KDM4C: variants seen among roughly 807,000 people sequenced by gnomAD.
KDM4C encodes the protein lysine-specific demethylase 4C.
A neutral mutation model predicts 129.3 loss-of-function variants in KDM4C; 81 were observed. The observed-to-expected ratio is 0.63, with a 90% CI of 0.52 to 0.75. KDM4C has a LOEUF of 0.75. KDM4C is among the 30% of genes least tolerant of loss of function. KDM4C has a pLI of 0.00. For missense variants in KDM4C, 1,457 were observed against 1,304.0 expected, an observed-to-expected ratio of 1.12 and a Z score of -1.81; for synonymous variants, 573 against 456.1, an observed-to-expected ratio of 1.26 and a Z score of -3.26.
chr9:6,912,632 A>G (rs1819542527), intron 8 of KDM4C, among the ~76,000 whole-genome samples: 1 of 152,202 alleles, frequency 6.6e-6, no homozygotes, highest in Admixed American at 6.5e-5. Context: ...TGGGAGAGAG[A>G]GAATTTATAT....
intron 1 of KDM4C, among the ~76,000 whole-genome samples, chr9:6,785,180 C>G (rs888273990): frequency 2.6e-5 from 4 of 152,184 alleles, no homozygotes; most frequent in Non-Finnish European, 4.4e-5. Flanking sequence ...ACCGTGTTTT[C>G]TCTGAAGGAT....
upstream of KDM4C, among the ~76,000 whole-genome samples, chr9:6,753,877 T>G (rs1332023150): frequency 7.1e-6 from 1 of 140,428 alleles, no homozygotes; most frequent in South Asian, 2.4e-4. Flanking sequence ...TCTTTTTTTT[T>G]TTTTTTTTTT....
chr9:6,865,929 AT>A (rs1376858021), intron 5 of KDM4C, among the ~76,000 whole-genome samples: 2 of 151,388 alleles, frequency 1.3e-5, no homozygotes, highest in Admixed American at 6.6e-5. Flanking sequence ...AATTTTTTGT[AT>A]TTTTAGTAGA....
rs187847761 is a variant in KDM4C at position 6,832,217 on chromosome 9, G to A, written c.436-17290G>A. ...TAGCCGGGCGTGGTGGTGGGAGCCT[G>A]TAGTCCCAGCTACTCGGGAGGCTGA... On this transcript the variant is annotated intron_variant, in intron 4 of 21. Transcript: ENST00000381309. 8.4e-3 allele frequency among the ~76,000 whole-genome samples: 1,266 copies of A among 151,034 alleles called. 10 individuals are homozygous for A. Among genetic ancestry groups the A allele is most frequent in the South Asian group, 0.013 (60 of 4,750 alleles).
intron 18 of KDM4C, among the ~76,000 whole-genome samples, chr9:7,107,831 A>G (rs1837870387): frequency 6.7e-6 from 1 of 150,124 alleles, no homozygotes; most frequent in Admixed American, 6.6e-5. Flanking sequence ...TAGCTAGGTC[A>G]TAAGGACAGA....
chr9:6,957,985 C>T (rs1003899481), intron 8 of KDM4C, among the ~76,000 whole-genome samples: 6 of 151,828 alleles, frequency 4.0e-5, no homozygotes, highest in Non-Finnish European at 8.8e-5. Flanking sequence ...GGTGGTGAGA[C>T]GGTGTGACCT....
At chr9:6,885,381 A>G (rs1337211318) in intron 6 of KDM4C, among the ~76,000 whole-genome samples, 1 of 152,196 alleles carries the variant, frequency 6.6e-6, no homozygotes, top group African/African-American at 2.4e-5. Flanking sequence ...GTGATCCTTG[A>G]GAGAGCTTAT....
intron 12 of KDM4C, among the ~76,000 whole-genome samples, chr9:6,994,571 T>C (rs903265947): frequency 1.3e-5 from 2 of 152,186 alleles, no homozygotes; most frequent in Non-Finnish European, 2.9e-5. Flanking sequence ...CTTTTGGTAG[T>C]GAACATTTCC....
chr9:7,166,281 A>C (rs1408980120), intron 20 of KDM4C, among the ~76,000 whole-genome samples: 1 of 152,236 alleles, frequency 6.6e-6, no homozygotes, highest in Non-Finnish European at 1.5e-5. Flanking sequence ...AAGGAGCAAG[A>C]GCTTAAATGG....
At chr9:7,129,125 G>A (rs1413338084) in intron 19 of KDM4C, among the ~76,000 whole-genome samples, 1 of 152,080 alleles carries the variant, frequency 6.6e-6, no homozygotes, top group Non-Finnish European at 1.5e-5. Flanking sequence ...CTCATTCTGG[G>A]TCTCTGTTGA....
chr9:6,825,012 G>C (rs1288946329), intron 4 of KDM4C, among the ~76,000 whole-genome samples: 1 of 152,016 alleles, frequency 6.6e-6, no homozygotes, highest in South Asian at 2.1e-4. Context: ...CGGGTGTGGT[G>C]ACATGCACCT....
chr9:7,017,849 G>A (rs984541086), intron 15 of KDM4C, among the ~76,000 whole-genome samples: 7 of 152,178 alleles, frequency 4.6e-5, no homozygotes, highest in African/African-American at 9.7e-5. Flanking sequence ...TGTCATGACT[G>A]TGTATATTTA....
At chr9:7,001,377 T>TA (rs200390289) in intron 12 of KDM4C, among the ~76,000 whole-genome samples, 2,036 of 152,296 alleles carry the variant, frequency 0.013, 22 homozygotes, top group East Asian at 0.029. Context: ...TCTTGAGGAG[T>TA]AAACTTGATA....
At chr9:6,883,865 A>G (rs1844850259) in intron 6 of KDM4C, among the ~76,000 whole-genome samples, 1 of 151,978 alleles carries the variant, frequency 6.6e-6, no homozygotes, top group Non-Finnish European at 1.5e-5. Flanking sequence ...TTATCCATGG[A>G]TATTTCAAGG....
At chr9:6,846,347 A>G (rs1357178171) in intron 4 of KDM4C, among the ~76,000 whole-genome samples, 1 of 152,230 alleles carries the variant, frequency 6.6e-6, no homozygotes, top group Non-Finnish European at 1.5e-5. Context: ...AATAAATGTA[A>G]GATACAAGTG....
At chr9:6,743,688 A>G (rs550542801) in intron 1 of KDM4C, among the ~76,000 whole-genome samples, 6 of 152,080 alleles carry the variant, frequency 3.9e-5, no homozygotes, top group African/African-American at 1.4e-4. Context: ...TCTGTATTTT[A>G]GTAGAGACAG....
upstream of KDM4C, among the ~76,000 whole-genome samples, chr9:6,754,221 T>A (rs1483381512): frequency 6.6e-6 from 1 of 151,804 alleles, no homozygotes; most frequent in Admixed American, 6.6e-5. Context: ...CTTTTTCTTT[T>A]TTTTTTCTGA....
intron 4 of KDM4C, chr9:6,815,127 A>G (rs1831849131): frequency 6.5e-6 from 1 of 153,442 alleles, no homozygotes; most frequent in Non-Finnish European, 1.4e-5. Context: ...TCCCTCAATC[A>G]TTAAAAAAAT....
chr9:7,052,910 T>TTGTTGTACAGAGGGGTGCTTTA (rs1554718570), intron 17 of KDM4C, among the ~76,000 whole-genome samples: 1 of 126,824 alleles, frequency 7.9e-6, no homozygotes, highest in Admixed American at 7.6e-5. Context: ...AGCGAGCGAG[T>TTGTTGTACAGAGGGGTGCTTTA]GCCCAAGGGA....
Sources: allele counts gnomAD v4.1 joint callset (sites outside exome capture counted in the v4.1 genomes callset), GRCh38; gene constraint gnomAD v4.1.1; transcripts MANE v1.5; gene names NCBI Gene and HGNC (gene_info 2026-07-23, HGNC 2026-07-21).